LY86: variants seen among roughly 807,000 people sequenced by gnomAD.
The protein encoded by LY86 is MD-1, RP105-associated.
Under a neutral mutation model 17.3 loss-of-function variants are expected in LY86, and 20 were observed. The ratio of observed to expected loss-of-function variants is 1.15; its 90% CI spans 0.81 to 1.68. The LOEUF (loss-of-function observed/expected upper bound fraction) is 1.68, where lower values mean the gene tolerates loss of function less well. Ranked by LOEUF, LY86 falls within the 40% of genes most tolerant of loss-of-function variation. LY86 has a pLI of 0.00. For missense variants in LY86, 200 were observed against 191.9 expected (o/e 1.04, Z -0.25); for synonymous variants, 74 against 70.6 (o/e 1.05, Z -0.24).
intron 1 of LY86, among the ~76,000 whole-genome samples, chr6:6,615,160 A>G (rs1052260471): frequency 6.6e-6 from 1 of 152,222 alleles, no homozygotes; most frequent in Admixed American, 6.5e-5. Flanking sequence ...TTGGGTTTCA[A>G]ACTAGGCAAG....
chr6:6,613,023 T>G (rs1017120322), intron 1 of LY86, among the ~76,000 whole-genome samples: 1 of 152,032 alleles, frequency 6.6e-6, no homozygotes, highest in Non-Finnish European at 1.5e-5. Context: ...CTGATTGGTG[T>G]ATTTACAATC....
intron 3 of LY86, among the ~76,000 whole-genome samples, chr6:6,632,551 C>T (rs189132575): frequency 2.6e-5 from 4 of 152,134 alleles, no homozygotes; most frequent in Non-Finnish European, 1.5e-5. Context: ...GTGGGTCTGT[C>T]ATAGAAACAG....
chr6:6,592,873 ACCTG>A (rs1760576456), intron 1 of LY86, among the ~76,000 whole-genome samples: 1 of 152,188 alleles, frequency 6.6e-6, no homozygotes, highest in African/African-American at 2.4e-5. Context: ...AATTTGTTAA[ACCTG>A]CCTGAGTTGG....
chr6:6,611,312 A>G (rs1761325923), intron 1 of LY86, among the ~76,000 whole-genome samples: 1 of 152,164 alleles, frequency 6.6e-6, no homozygotes, highest in Non-Finnish European at 1.5e-5. Context: ...ATAGGCTCCT[A>G]CTCCAGCCCA....
At chr6:6,645,895 G>A (rs1317099164) in intron 3 of LY86, among the ~76,000 whole-genome samples, 1 of 152,102 alleles carries the variant, frequency 6.6e-6, no homozygotes, top group African/African-American at 2.4e-5. Context: ...CAGGCAGAAA[G>A]TGGGCAGCTC....
chr6:6,598,100 T>TA (rs1240681557), intron 1 of LY86, among the ~76,000 whole-genome samples: 1 of 152,246 alleles, frequency 6.6e-6, no homozygotes, highest in African/African-American at 2.4e-5. Flanking sequence ...AATATCCCTT[T>TA]AAACAATTCA....
At chr6:6,601,001 G>A (rs1207115058) in intron 1 of LY86, among the ~76,000 whole-genome samples, 1 of 152,160 alleles carries the variant, frequency 6.6e-6, no homozygotes, top group Non-Finnish European at 1.5e-5. Context: ...GTGTAAATAA[G>A]TGCACACTTC....
At chr6:6,590,707 T>G (rs1760496913) in intron 1 of LY86, among the ~76,000 whole-genome samples, 1 of 152,106 alleles carries the variant, frequency 6.6e-6, no homozygotes, top group Non-Finnish European at 1.5e-5. Context: ...GGGGGCAAAA[T>G]GCCGTTTGAA....
At chr6:6,644,198 G>A (rs1256041733) in intron 3 of LY86, among the ~76,000 whole-genome samples, 13 of 152,206 alleles carry the variant, frequency 8.5e-5, no homozygotes, top group Admixed American at 6.5e-5. Flanking sequence ...CTGCATCTGC[G>A]CTGGTTATTG....
At chr6:6,590,420 TAATG>T (rs1760489413) in intron 1 of LY86, among the ~76,000 whole-genome samples, 2 of 152,182 alleles carry the variant, frequency 1.3e-5, no homozygotes, top group Admixed American at 1.3e-4. Context: ...AATGTCAAAC[TAATG>T]AATTATTTCT....
intron 1 of LY86, among the ~76,000 whole-genome samples, chr6:6,602,797 C>T (rs549489747): frequency 1.3e-5 from 2 of 152,320 alleles, no homozygotes; most frequent in African/African-American, 2.4e-5. Flanking sequence ...GGCATTAACT[C>T]TCAGCACTCC....
chr6:6,591,855 G>A (rs1561772881), intron 1 of LY86, among the ~76,000 whole-genome samples: 1 of 152,216 alleles, frequency 6.6e-6, no homozygotes, highest in Admixed American at 6.5e-5. Flanking sequence ...AAGTTTGGCA[G>A]AGACAATGAC....
intron 1 of LY86, among the ~76,000 whole-genome samples, chr6:6,602,670 G>A (rs942152544): frequency 2.0e-5 from 3 of 152,070 alleles, no homozygotes; most frequent in African/African-American, 7.2e-5. Flanking sequence ...TTCAGTCCTG[G>A]GGACCCTGGG....
chr6:6,617,315 A>G (rs1761577016), intron 1 of LY86, among the ~76,000 whole-genome samples: 1 of 152,194 alleles, frequency 6.6e-6, no homozygotes, highest in African/African-American at 2.4e-5. Context: ...TAAGAAACAT[A>G]TTGTAAGAAA....
chr6:6,596,498 A>G (rs533134833), intron 1 of LY86, among the ~76,000 whole-genome samples: 1 of 152,356 alleles, frequency 6.6e-6, no homozygotes, highest in Non-Finnish European at 1.5e-5. Flanking sequence ...TTATTTTCCC[A>G]GATTAACAAG....
chr6:6,612,370 G>A (rs1456867377), intron 1 of LY86, among the ~76,000 whole-genome samples: 1 of 152,188 alleles, frequency 6.6e-6, no homozygotes, highest in Admixed American at 6.5e-5. Flanking sequence ...GATACATTTG[G>A]AGTGTTAATC....
chr6:6,603,942 T>C (rs1038711908), intron 1 of LY86, among the ~76,000 whole-genome samples: 3 of 152,160 alleles, frequency 2.0e-5, no homozygotes, highest in Non-Finnish European at 2.9e-5. Flanking sequence ...TATCTAACTC[T>C]GCCTAATCTC....
intron 3 of LY86, among the ~76,000 whole-genome samples, chr6:6,631,089 T>C (rs946890483): frequency 7.2e-5 from 11 of 151,930 alleles, no homozygotes; most frequent in African/African-American, 2.7e-4. Flanking sequence ...CTCTTTAATG[T>C]TTTTACTGGC....
chr6:6,625,216 T>C (rs1277574241), intron 2 of LY86, among the ~76,000 whole-genome samples: 3 of 152,172 alleles, frequency 2.0e-5, no homozygotes, highest in Admixed American at 2.0e-4. Flanking sequence ...CTTAAAGCTG[T>C]ACTTTTGTAT....
Sources: allele counts gnomAD v4.1 joint callset (sites outside exome capture counted in the v4.1 genomes callset), GRCh38; gene constraint gnomAD v4.1.1; transcripts MANE v1.5; gene names NCBI Gene and HGNC (gene_info 2026-07-23, HGNC 2026-07-21).